The following DOCK8 variants were observed in gnomAD, a reference collection of about 807,000 sequenced individuals.
DOCK8 encodes the protein dedicator of cytokinesis 8.
In DOCK8, 141 loss-of-function variants were observed where a neutral mutation model predicts 245.6. The ratio of observed to expected loss-of-function variants is 0.57; its 90% CI spans 0.50 to 0.66. The LOEUF is 0.66. Ranked by LOEUF, DOCK8 falls within the 30% of genes least tolerant of loss-of-function variation. DOCK8 has a pLI of 0.00. For missense variants in DOCK8, 2,965 were observed against 2,603.4 expected (o/e 1.14, Z -3.02); for synonymous variants, 1,168 against 970.2 (o/e 1.20, Z -3.79).
At chr9:383,559 G>T (rs2053816814) in intron 22 of DOCK8, among the ~76,000 whole-genome samples, 1 of 152,098 alleles carries the variant, frequency 6.6e-6, no homozygotes, top group Non-Finnish European at 1.5e-5. Context: ...CATTAGTTGG[G>T]CATGGTGGCG....
rs34033459 is a variant in DOCK8 at position 364,641 on chromosome 9, G to GAAAAA, written c.1680-3363_1680-3359dup. ...AGAGTGAGATCCTGTCTCAAAAATT[G>GAAAAA]AAAAAAAAAAAAAAAAAAGGTTTAA... On this transcript the variant is annotated intron_variant, in intron 14 of 47. Coordinates refer to ENST00000432829, the MANE Select transcript of DOCK8 (RefSeq NM_203447.4). Among the ~76,000 whole-genome samples the GAAAAA allele has an allele frequency of 2.5e-3, 211 of 84,476 alleles. 1 individual carries two copies. Among genetic ancestry groups the GAAAAA allele is most frequent in the African/African-American group, 8.5e-3 (195 of 22,960 alleles). The allele number at this position is 84,476 out of a possible 152,430, so 55.4% of individuals were successfully genotyped here.
chr9:276,099 C>A (rs2048336095), intron 2 of DOCK8, among the ~76,000 whole-genome samples: 1 of 151,912 alleles, frequency 6.6e-6, no homozygotes, highest in Admixed American at 6.6e-5. Flanking sequence ...CCATGTTGGC[C>A]AGGCTGGTCT....
chr9:249,242 A>G (rs1436840651), intron 1 of DOCK8, among the ~76,000 whole-genome samples: 1 of 152,122 alleles, frequency 6.6e-6, no homozygotes, highest in Non-Finnish European at 1.5e-5. Flanking sequence ...GAACATTCAC[A>G]TCCTTCCCAA....
intron 24 of DOCK8, among the ~76,000 whole-genome samples, chr9:395,915 TATAA>T (rs764004841): frequency 1.3e-5 from 2 of 152,206 alleles, no homozygotes; most frequent in African/African-American, 2.4e-5. Context: ...TATATCTGTA[TATAA>T]ATATCTTTCT....
At chr9:231,600 A>C (rs1404199874) in intron 1 of DOCK8, among the ~76,000 whole-genome samples, 1 of 151,780 alleles carries the variant, frequency 6.6e-6, no homozygotes, top group Non-Finnish European at 1.5e-5. Flanking sequence ...GTAGTTCTTG[A>C]AGAGGTCCTT....
intron 46 of DOCK8, chr9:460,436 C>T (rs2057768192): frequency 6.6e-6 from 1 of 152,182 alleles, no homozygotes; most frequent in East Asian, 1.9e-4. Context: ...GCCTTGAAGT[C>T]ATCCTGAAAC....
intron 1 of DOCK8, among the ~76,000 whole-genome samples, chr9:247,790 G>C (rs1006798250): frequency 6.6e-6 from 1 of 152,014 alleles, no homozygotes; most frequent in Non-Finnish European, 1.5e-5. Context: ...ACCCTCCTCG[G>C]CCTCCCAAAG....
intron 29 of DOCK8, among the ~76,000 whole-genome samples, chr9:417,477 T>C (rs10974325): frequency 0.38 from 57,335 of 152,064 alleles, 12,658 homozygotes; most frequent in African/African-American, 0.6. Context: ...ACCACACTTT[T>C]CCCAGAACTG....
At chr9:244,081 T>G (rs10122621) in intron 1 of DOCK8, among the ~76,000 whole-genome samples, 22 of 150,944 alleles carry the variant, frequency 1.5e-4, no homozygotes, top group Non-Finnish European at 2.5e-4. Flanking sequence ...CCAGCTACTC[T>G]GGAGGCTGAG....
chr9:218,136 T>C (rs2046803270), intron 1 of DOCK8, among the ~76,000 whole-genome samples: 2 of 152,294 alleles, frequency 1.3e-5, no homozygotes, highest in East Asian at 3.9e-4. Flanking sequence ...CTATTATTTT[T>C]TTTAAATAGG....
chr9:292,790 C>A (rs2049101238), intron 4 of DOCK8, among the ~76,000 whole-genome samples: 1 of 151,888 alleles, frequency 6.6e-6, no homozygotes, highest in African/African-American at 2.4e-5. Context: ...TAATATTTTT[C>A]CTTATGTTTA....
rs1256790643 is a variant in DOCK8 at position 420,958 on chromosome 9, A to T, written c.4033A>T (p.Ser1345Cys). ...CCTCTGTCTTGTCCAGGGAAAACAG[A>T]GTTCTGACAAAGTCAGTACCCAAGT... is the stretch of plus-strand genomic sequence containing the variant. ...VLCFEYKGKQ[S>C]SDKVSTQVLQ... Residue 1345 changes from serine to cysteine, a missense_variant, in exon 32 of 48, where the codon AGT becomes TGT. By Grantham distance (112) the Ser-to-Cys change is moderately radical. Coordinates refer to ENST00000432829, the MANE Select transcript of DOCK8 (RefSeq NM_203447.4). The T allele has an allele frequency of 6.2e-7, 1 of 1,614,102 alleles. No homozygotes were observed. Among genetic ancestry groups the T allele is most frequent in the Non-Finnish European group, 8.5e-7 (1 of 1,180,048 alleles).
In DOCK8 at chr9:400,877, A is replaced by T. The variant is rs921908638; in HGVS notation, c.3234+1618A>T. ...CACCACCTCCTCCACCATCACCACC[A>T]CCTCCACCACCACCACCTCCCCCAC... On this transcript the variant is annotated intron_variant, in intron 26 of 47. Coordinates refer to ENST00000432829, the MANE Select transcript of DOCK8 (RefSeq NM_203447.4). 2.6e-3 allele frequency among the ~76,000 whole-genome samples: 133 copies of T among 50,600 alleles called. 3 individuals are homozygous for T. Among genetic ancestry groups the T allele is most frequent in the African/African-American group, 5.3e-3 (23 of 4,368 alleles). The allele number at this position is 50,600 out of a possible 152,430, so 33.2% of individuals were successfully genotyped here. A position where few individuals can be genotyped will look rare whatever the true frequency, so the allele number is the denominator to read the frequency against.
intron 10 of DOCK8, among the ~76,000 whole-genome samples, chr9:333,327 CGT>C (rs1554670251): frequency 6.6e-6 from 1 of 152,210 alleles, no homozygotes; most frequent in Non-Finnish European, 1.5e-5. Context: ...CTTGGCCGGG[CGT>C]GGTGGCTCAC....
At chr9:322,464 A>G (rs56257376) in intron 7 of DOCK8, among the ~76,000 whole-genome samples, 37,622 of 141,122 alleles carry the variant, frequency 0.27, 5,988 homozygotes, top group African/African-American at 0.41. Flanking sequence ...GCTGGGCTCA[A>G]AACCTGACCG....
At chr9:316,005 A>C (rs773128190) in intron 6 of DOCK8, among the ~76,000 whole-genome samples, 9 of 151,342 alleles carry the variant, frequency 5.9e-5, no homozygotes, top group Non-Finnish European at 1.3e-4. Context: ...CATTCCACCC[A>C]GCAACATGGC....
chr9:460,367 C>G (rs2057766540), intron 46 of DOCK8: 1 of 152,220 alleles, frequency 6.6e-6, no homozygotes, highest in Non-Finnish European at 1.5e-5. Flanking sequence ...CCCAAATTAG[C>G]TGTTAGCTTT....
At chr9:328,941 CTTTTT>C (rs1165346763) in intron 9 of DOCK8, among the ~76,000 whole-genome samples, 8 of 71,346 alleles carry the variant, frequency 1.1e-4, no homozygotes, top group Admixed American at 3.5e-4. Context: ...CTTATTGATT[CTTTTT>C]TTTTTTTTTT....
At chr9:246,234 C>T (rs551399221) in intron 1 of DOCK8, among the ~76,000 whole-genome samples, 2 of 151,744 alleles carry the variant, frequency 1.3e-5, no homozygotes, top group Non-Finnish European at 2.9e-5. Context: ...AAAAAATGGG[C>T]ATCTGGCCAG....
Sources: allele counts gnomAD v4.1 joint callset (sites outside exome capture counted in the v4.1 genomes callset), GRCh38; gene constraint gnomAD v4.1.1; transcripts MANE v1.5; gene names NCBI Gene and HGNC (gene_info 2026-07-23, HGNC 2026-07-21).